NBAS: variants seen among roughly 807,000 people sequenced by gnomAD.
NBAS encodes the protein NBAS subunit of NRZ tethering complex.
In NBAS, 219 loss-of-function variants were observed where a neutral mutation model predicts 302.5. The observed-to-expected ratio is 0.72, with a 90% CI of 0.65 to 0.81. The LOEUF is 0.81. Among genes scored for constraint, NBAS ranks in the 30% least tolerant of loss-of-function variants. The pLI is 0.00. For missense variants in NBAS, 2,932 were observed against 2,841.6 expected, an observed-to-expected ratio of 1.03 and a Z score of -0.72; for synonymous variants, 1,118 against 1,021.6, an observed-to-expected ratio of 1.09 and a Z score of -1.80.
chr2:14,841,324 T>C, the NBAS span, among the ~76,000 whole-genome samples: 5 of 151,732 alleles, frequency 3.3e-5, no homozygotes, highest in Non-Finnish European at 7.4e-5. Context: ...TAGTAAGTAT[T>C]TACTTATCAA....
intron 35 of NBAS, among the ~76,000 whole-genome samples, chr2:15,349,554 G>A (rs1673252537): frequency 6.6e-6 from 1 of 152,202 alleles, no homozygotes; most frequent in Non-Finnish European, 1.5e-5. Flanking sequence ...AGTGCTGGTG[G>A]CTGAATGCCA....
the NBAS span, among the ~76,000 whole-genome samples, chr2:14,836,766 T>C: frequency 6.6e-6 from 1 of 151,896 alleles, no homozygotes. Flanking sequence ...AATATGTAGA[T>C]ACATTTAGGA....
rs185597797 is a variant in NBAS at position 15,503,913 on chromosome 2, G to T, written c.954+232C>A. Among the ~76,000 whole-genome samples, 8 of 152,238 alleles carry T rather than the reference G, an allele frequency of 5.3e-5. No individual in the cohort carries two copies. The East Asian group carries it at 1.2e-3, about 22-fold the overall frequency. On this transcript the variant is annotated intron_variant, in intron 11 of 51. Coordinates refer to ENST00000281513, the MANE Select transcript of NBAS (RefSeq NM_015909.4). ...ATTCCCAGATCCCCAAGAGGGCTGG[G>T]TATATTCTCTATAATTATTTTTCTT...
chr2:15,259,373 G>T (rs1414210319), intron 44 of NBAS, among the ~76,000 whole-genome samples: 1 of 152,146 alleles, frequency 6.6e-6, no homozygotes, highest in Non-Finnish European at 1.5e-5. Flanking sequence ...TTCTAGCAAG[G>T]CCATGTCCCT....
chr2:15,478,666 C>T (rs573025920), intron 12 of NBAS, among the ~76,000 whole-genome samples: 112 of 152,250 alleles, frequency 7.4e-4, no homozygotes, highest in Non-Finnish European at 1.4e-3. Context: ...ACTGAGCAAC[C>T]CCTCCAGGCT....
chr2:15,250,261 T>A (rs919821573), intron 44 of NBAS, among the ~76,000 whole-genome samples: 3 of 152,220 alleles, frequency 2.0e-5, no homozygotes, highest in Non-Finnish European at 4.4e-5. Flanking sequence ...GCTAGGCATA[T>A]GCAGAAAGCT....
intron 12 of NBAS, among the ~76,000 whole-genome samples, chr2:15,481,288 T>C (rs946240291): frequency 1.6e-4 from 24 of 152,216 alleles, no homozygotes; most frequent in African/African-American, 5.8e-4. Flanking sequence ...GCTATGAATA[T>C]GTAGGTGCAT....
At chr2:14,859,945 T>C in the NBAS span, among the ~76,000 whole-genome samples, 1 of 151,998 alleles carries the variant, frequency 6.6e-6, no homozygotes. Flanking sequence ...GATAAGTGAT[T>C]AATAATTAGT....
intron 21 of NBAS, among the ~76,000 whole-genome samples, chr2:15,437,911 G>A (rs1270797558): frequency 1.3e-5 from 2 of 152,102 alleles, no homozygotes; most frequent in African/African-American, 4.8e-5. Flanking sequence ...GAGAACCAAG[G>A]GTCCAAGAAT....
chr2:15,548,391 C>T (rs763754191), intron 6 of NBAS, among the ~76,000 whole-genome samples: 9 of 152,196 alleles, frequency 5.9e-5, no homozygotes, highest in Non-Finnish European at 1.2e-4. Context: ...CCTGTAATCC[C>T]AGCACTTTGG....
the NBAS span, among the ~76,000 whole-genome samples, chr2:15,090,869 C>G: frequency 2.6e-5 from 4 of 152,146 alleles, no homozygotes; most frequent in African/African-American, 9.7e-5. Flanking sequence ...TTTCAGAAGT[C>G]CTAATTAGCA....
the NBAS span, among the ~76,000 whole-genome samples, chr2:15,153,548 A>G: frequency 6.6e-6 from 1 of 152,248 alleles, no homozygotes; most frequent in Non-Finnish European, 1.5e-5. Flanking sequence ...TAACATTAGC[A>G]TTAGCATCTA....
the NBAS span, among the ~76,000 whole-genome samples, chr2:14,910,104 A>AT: frequency 6.6e-6 from 1 of 152,176 alleles, no homozygotes; most frequent in Non-Finnish European, 1.5e-5. Context: ...GCGTATGAGA[A>AT]TTTGGGTTTC....
chr2:15,311,101 A>G (rs565630778), intron 38 of NBAS, among the ~76,000 whole-genome samples: 2 of 152,356 alleles, frequency 1.3e-5, no homozygotes, highest in African/African-American at 2.4e-5. Flanking sequence ...AGGTTGTGCT[A>G]TATACATATC....
chr2:15,316,914 C>A (rs1205071991), intron 38 of NBAS, among the ~76,000 whole-genome samples: 1 of 152,212 alleles, frequency 6.6e-6, no homozygotes, highest in Non-Finnish European at 1.5e-5. Context: ...AAAGGACAGA[C>A]TGCCTCCTCA....
At chr2:15,117,588 T>G in the NBAS span, among the ~76,000 whole-genome samples, 1 of 152,244 alleles carries the variant, frequency 6.6e-6, no homozygotes, top group Non-Finnish European at 1.5e-5. Context: ...GAGTTAGACA[T>G]GTTCCCTAGC....
the NBAS span, among the ~76,000 whole-genome samples, chr2:14,828,066 A>G: frequency 2.0e-5 from 3 of 152,236 alleles, no homozygotes; most frequent in African/African-American, 4.8e-5. Flanking sequence ...TCATTTACTC[A>G]TTCAGCATAT....
chr2:14,856,014 C>A, the NBAS span, among the ~76,000 whole-genome samples: 65 of 152,224 alleles, frequency 4.3e-4, no homozygotes, highest in East Asian at 6.6e-3. Context: ...GCCATAGTTG[C>A]GGTGGCCATA....
At chr2:15,358,309 T>C in intron 32 of NBAS, among the ~76,000 whole-genome samples, 1 of 152,162 alleles carries the variant, frequency 6.6e-6, no homozygotes, top group Non-Finnish European at 1.5e-5. Flanking sequence ...ACAGAGTCCT[T>C]GTGCCTCTGC....
Sources: gnomAD v4.1 joint callset for allele counts (sites outside exome capture counted in the v4.1 genomes callset) on GRCh38, gnomAD v4.1.1 for gene constraint, MANE v1.5 for transcripts, NCBI Gene and HGNC (gene_info 2026-07-23, HGNC 2026-07-21) for gene names.